The following PCDHGA7 variants were observed in gnomAD, a reference collection of about 807,000 sequenced individuals.
The protein encoded by PCDHGA7 is protocadherin gamma-A7.
Under a neutral mutation model 58.3 loss-of-function variants are expected in PCDHGA7, and 44 were observed. The ratio of observed to expected loss-of-function variants is 0.75; its 90% CI spans 0.59 to 0.97. The LOEUF (loss-of-function observed/expected upper bound fraction) is 0.97. PCDHGA7 is among the 50% of genes least tolerant of loss of function. The pLI is 0.00. For missense variants in PCDHGA7, 1,266 were observed against 1,188.7 expected (o/e 1.06, Z -0.96); for synonymous variants, 516 against 504.2 (o/e 1.02, Z -0.31).
chr5:141,458,273 G>C, intron 1 of PCDHGA7, among the ~76,000 whole-genome samples: 1 of 152,158 alleles, frequency 6.6e-6, no homozygotes, highest in Non-Finnish European at 1.5e-5. Context: ...AGGAACAACA[G>C]GGTTCCTGGT....
At chr5:141,396,729 T>C (rs1197764011) in intron 1 of PCDHGA7, 1 of 152,214 alleles carries the variant, frequency 6.6e-6, no homozygotes, top group Non-Finnish European at 1.5e-5. Flanking sequence ...CCTGAATTGA[T>C]TGTTGTAAGG....
Position 141,486,587 on chromosome 5 carries a change from G to C in PCDHGA7, c.2425-8220G>C. 6.2e-7 allele frequency: 1 copy of C among 1,613,596 alleles called. No individual in the cohort carries two copies. The highest frequency in any genetic ancestry group is 8.5e-7 in the Non-Finnish European group (1 of 1,180,006). On this transcript the variant is annotated intron_variant, in intron 1 of 3. Transcript: ENST00000518325. The surrounding 1 kb of genome is among the most constrained non-coding windows in gnomAD (Gnocchi z 5.0). ...TGTTCCTGAGAACAATCGCCCAGGG[G>C]ACCTGCTTTGCTCCCTTGCAGCCTC...
intron 1 of PCDHGA7, chr5:141,388,885 A>G (rs1359019533): frequency 1.9e-6 from 3 of 1,614,002 alleles, no homozygotes; most frequent in East Asian, 2.2e-5. Context: ...GTGGAGGTAG[A>G]AGTCATAGAT....
Position 141,485,754 on chromosome 5 carries a change from T to A in PCDHGA7, c.2425-9053T>A, listed in dbSNP as rs770807249. ...AGCGACGGCAGCCTGGTCCCAGAGC[T>A]GCTCCTGGAGAAGCCTTTGGATCGA... On this transcript the variant is annotated intron_variant, in intron 1 of 3. Transcript: ENST00000518325. This position sits in a 1 kb window ranked among gnomAD's most constrained non-coding sequence, Gnocchi z 5.7. 1 of 1,614,236 alleles carries A rather than the reference T, an allele frequency of 6.2e-7. No individual in the cohort carries two copies. The highest frequency in any genetic ancestry group is 8.5e-7 in the Non-Finnish European group (1 of 1,180,044).
At chr5:141,415,259 T>A (rs778452630) in intron 1 of PCDHGA7, 5 of 1,614,226 alleles carry the variant, frequency 3.1e-6, no homozygotes, top group Admixed American at 1.7e-5. Flanking sequence ...GACCTCACTC[T>A]GTACCTGGTG....
Position 141,431,351 on chromosome 5 carries a change from C to T in PCDHGA7, c.2424+46028C>T, listed in dbSNP as rs1411192998. On this transcript the variant is annotated intron_variant, in intron 1 of 3. Coordinates refer to ENST00000518325, the MANE Select transcript of PCDHGA7 (RefSeq NM_018920.4). The surrounding 1 kb of genome is among the most constrained non-coding windows in gnomAD (Gnocchi z 4.8). ...TAAGTACCCCGAATTGGTGCTGAAACGCGCCCTGGACCGCGAAGAAAAGGC... is the reference window on the plus strand; with the variant it reads ...TAAGTACCCCGAATTGGTGCTGAAATGCGCCCTGGACCGCGAAGAAAAGGC... The T allele has an allele frequency of 1.9e-6, 3 of 1,613,946 alleles. No homozygotes were observed. Among genetic ancestry groups the T allele is most frequent in the African/African-American group, 2.7e-5 (2 of 74,938 alleles).
In PCDHGA7 at chr5:141,511,032, G is replaced by C. The variant is rs779589499; in HGVS notation, c.2658G>C (p.Gln886His). Residue 886 changes from glutamine to histidine, a missense_variant, in exon 4 of 4, where the codon CAG (glutamine) becomes CAC (histidine). Gln to His is a conservative substitution (Grantham distance 24). Coordinates refer to ENST00000518325, the MANE Select transcript of PCDHGA7 (RefSeq NM_018920.4). ...SARYGPQFTL[Q>H]HVPDYRQNVY... ...GCTACGGACCCCAGTTCACCCTGCA[G>C]CACGTGCCCGACTACCGCCAGAATG... 6.2e-7 allele frequency: 1 copy of C among 1,614,228 alleles called. No individual in the cohort carries two copies. The highest frequency in any genetic ancestry group is 8.5e-7 in the Non-Finnish European group (1 of 1,180,036).
chr5:141,409,256 C>G (rs1212394349), intron 1 of PCDHGA7: 2 of 1,613,918 alleles, frequency 1.2e-6, no homozygotes, highest in African/African-American at 2.7e-5. Context: ...CATCACTTCT[C>G]TCTCTGATCA....
chr5:141,444,545 C>G (rs1346405150), intron 1 of PCDHGA7, among the ~76,000 whole-genome samples: 1 of 152,042 alleles, frequency 6.6e-6, no homozygotes, highest in Non-Finnish European at 1.5e-5. Context: ...GTCTAGTGAG[C>G]AAAAGGCACT....
intron 1 of PCDHGA7, chr5:141,416,850 T>C (rs2096064812): frequency 6.6e-6 from 1 of 151,902 alleles, no homozygotes; most frequent in South Asian, 2.1e-4. Flanking sequence ...AATTCCATGA[T>C]TTTTTTCAGG....
At chr5:141,413,081 C>CAG in intron 1 of PCDHGA7, 1 of 1,339,426 alleles carries the variant, frequency 7.5e-7, no homozygotes, top group South Asian at 1.5e-5. Flanking sequence ...GCCCAGGCTA[C>CAG]AGAGACACCC....
chr5:141,478,956 T>C (rs2099484450), intron 1 of PCDHGA7, among the ~76,000 whole-genome samples: 1 of 152,200 alleles, frequency 6.6e-6, no homozygotes. Context: ...AACTACCTCA[T>C]TCCTCCACCT....
At position 141,383,109 on chromosome 5, in the gene PCDHGA7, T is replaced by C. The variant is rs562167618; in HGVS notation, c.210T>C (p.Gly70=). ...GCGGAGTCCGCATCATCTCCAGAGG[T>C]AGGACGCAGCTTTTCGCCCTGAACC... ...AERGVRIISR[G]RTQLFALNQR... is the part of the protein sequence containing the mutation. The change falls in exon 1 of 4, where the codon GGT becomes GGC. Residue 70 remains glycine (G), a synonymous_variant. Coordinates refer to ENST00000518325, the MANE Select transcript of PCDHGA7 (RefSeq NM_018920.4). 4.8e-5 allele frequency: 78 copies of C among 1,613,790 alleles called. No individual in the cohort carries two copies. Among genetic ancestry groups the C allele is most frequent in the Non-Finnish European group, 6.3e-5 (74 of 1,179,928 alleles).
Position 141,383,803 on chromosome 5 carries a change from T to C in PCDHGA7, c.904T>C (p.Ser302Pro), listed in dbSNP as rs141242913. 756 of 1,613,958 alleles carry C rather than the reference T, an allele frequency of 4.7e-4. 3 individuals carry two copies. The highest frequency in any genetic ancestry group is 8.2e-4 in the Middle Eastern group (5 of 6,062). ...FHLNSLTGEI[S>P]TLEGLDYEET... ...TCTGAACTCGCTTACAGGAGAAATA[T>C]CAACTTTAGAAGGATTAGATTATGA... Residue 302 changes from serine to proline, a missense_variant, in exon 1 of 4, where the codon TCA becomes CCA. Ser to Pro is a moderately conservative substitution (Grantham distance 74). Transcript: ENST00000518325.
intron 1 of PCDHGA7, among the ~76,000 whole-genome samples, chr5:141,461,248 C>A (rs1209563726): frequency 6.6e-6 from 1 of 152,038 alleles, no homozygotes; most frequent in Non-Finnish European, 1.5e-5. Context: ...AATTTATATT[C>A]CCAGCAGCAA....
At chr5:141,419,674 C>A (rs372932653) in intron 1 of PCDHGA7, 1 of 1,612,938 alleles carries the variant, frequency 6.2e-7, no homozygotes, top group Non-Finnish European at 8.5e-7. Flanking sequence ...CCTGGCTGTC[C>A]TACCACGTGG....
intron 1 of PCDHGA7, chr5:141,409,789 G>C (rs1390138666): frequency 1.2e-6 from 2 of 1,611,918 alleles, no homozygotes; most frequent in African/African-American, 2.7e-5. Context: ...GCGCCTTCGC[G>C]CTCACGCTGC....
chr5:141,477,059 A>G lies in PCDHGA7; in HGVS notation c.2425-17748A>G. On this transcript the variant is annotated intron_variant, in intron 1 of 3. Coordinates refer to ENST00000518325, the MANE Select transcript of PCDHGA7 (RefSeq NM_018920.4). This position sits in a 1 kb window ranked among gnomAD's most constrained non-coding sequence, Gnocchi z 4.9. ...CAAGGGTCGGCTGGACTTCGAGGAC[A>G]CCAAACTCCATGAGATTTACATCCA... The G allele has an allele frequency of 1.2e-6, 2 of 1,614,238 alleles. No individual in the cohort carries two copies. Among genetic ancestry groups the G allele is most frequent in the Non-Finnish European group, 1.7e-6 (2 of 1,180,036 alleles).
intron 1 of PCDHGA7, among the ~76,000 whole-genome samples, chr5:141,492,530 C>A (rs1595123138): frequency 1.3e-5 from 2 of 152,246 alleles, no homozygotes; most frequent in South Asian, 2.1e-4. Flanking sequence ...CCCACCTGCG[C>A]CCCGGGCTGG....
Sources: gnomAD v4.1 joint callset for allele counts (sites outside exome capture counted in the v4.1 genomes callset) on GRCh38, gnomAD v4.1.1 for gene constraint, Gnocchi (gnomAD v3.1) non-coding constraint, MANE v1.5 for transcripts, NCBI Gene and HGNC (gene_info 2026-07-23, HGNC 2026-07-21) for gene names.